The following STPG2 variants were observed in gnomAD, a reference collection of about 807,000 sequenced individuals.
STPG2 encodes sperm-tail PG-rich repeat-containing protein 2.
STPG2 carries 56 observed loss-of-function variants against 54.2 expected under a neutral mutation model. The observed-to-expected ratio is 1.03, with a 90% CI of 0.83 to 1.29. STPG2 has a LOEUF of 1.29. STPG2 is among the 50% of genes most tolerant of loss of function. The pLI is 0.00. For missense variants in STPG2, 596 were observed against 544.9 expected, an observed-to-expected ratio of 1.09 and a Z score of -0.93; for synonymous variants, 200 against 181.8, an observed-to-expected ratio of 1.10 and a Z score of -0.81.
chr4:97,740,135 C>A (rs1222895410), intron 9 of STPG2, among the ~76,000 whole-genome samples: 2 of 152,152 alleles, frequency 1.3e-5, no homozygotes, highest in African/African-American at 2.4e-5. Flanking sequence ...TCAATAGATG[C>A]AGAAAAGGCC....
chr4:97,479,577 GA>G (rs1184785282), intron 4 of STPG2, among the ~76,000 whole-genome samples: 1 of 151,834 alleles, frequency 6.6e-6, no homozygotes, highest in African/African-American at 2.4e-5. Context: ...AATTGCTGTA[GA>G]ATTGATTAGC....
At position 97,565,844 on chromosome 4, in the gene STPG2, C is replaced by CCG. The variant is rs571391313; in HGVS notation, c.1321-6728_1321-6727insCG. Among the ~76,000 whole-genome samples, 1,008 of 114,444 alleles carry CCG rather than the reference C, an allele frequency of 8.8e-3. 22 individuals carry two copies. Among genetic ancestry groups the CCG allele is most frequent in the Middle Eastern group, 0.07 (16 of 230 alleles). The allele number at this position is 114,444 out of a possible 152,430, so 75.1% of individuals were successfully genotyped here. A position where few individuals can be genotyped will look rare whatever the true frequency, so the allele number is the denominator to read the frequency against. On this transcript the variant is annotated intron_variant, in intron 10 of 10. Coordinates refer to ENST00000295268, the MANE Select transcript of STPG2 (RefSeq NM_174952.3). ...CGTGTGAGGTGTCATTCTGCCGCTA[C>CCG]TGGGGGGTGCCTCCCAGTTAGGCTG...
intron 8 of STPG2, among the ~76,000 whole-genome samples, chr4:97,920,358 A>T (rs1385977812): frequency 6.6e-6 from 1 of 152,154 alleles, no homozygotes; most frequent in African/African-American, 2.4e-5. Flanking sequence ...TCAAGGAAGG[A>T]ATGTTTCCAC....
At chr4:97,545,499 C>G (rs1459663186) in intron 4 of STPG2, among the ~76,000 whole-genome samples, 1 of 152,008 alleles carries the variant, frequency 6.6e-6, no homozygotes, top group African/African-American at 2.4e-5. Context: ...CCTCAACCCC[C>G]CTGGTGATGG....
At chr4:97,934,817 T>C (rs1732689924) in intron 8 of STPG2, among the ~76,000 whole-genome samples, 1 of 152,054 alleles carries the variant, frequency 6.6e-6, no homozygotes, top group Admixed American at 6.6e-5. Flanking sequence ...CTGAAGTTTT[T>C]TTGTTTTGTT....
chr4:97,761,948 A>G (rs1725901016), intron 9 of STPG2, among the ~76,000 whole-genome samples: 1 of 152,122 alleles, frequency 6.6e-6, no homozygotes, highest in South Asian at 2.1e-4. Flanking sequence ...TTAGGCAAAC[A>G]TGGGATTTAA....
chr4:97,854,951 G>A (rs1019644122), intron 8 of STPG2, among the ~76,000 whole-genome samples: 3 of 152,110 alleles, frequency 2.0e-5, no homozygotes, highest in African/African-American at 7.2e-5. Context: ...TCCACCATGT[G>A]TCCACGTGTT....
chr4:97,538,350 C>A (rs1169727139), intron 4 of STPG2, among the ~76,000 whole-genome samples: 2 of 152,102 alleles, frequency 1.3e-5, no homozygotes, highest in East Asian at 1.9e-4. Context: ...CCTTAAATAA[C>A]CTAATGGAGC....
chr4:97,908,469 G>T (rs1057331274), intron 8 of STPG2, among the ~76,000 whole-genome samples: 1 of 150,258 alleles, frequency 6.7e-6, no homozygotes, highest in Non-Finnish European at 1.5e-5. Context: ...ATTCCTCAGG[G>T]ATCTAGAACT....
chr4:97,836,519 T>C (rs1347723382), intron 9 of STPG2, among the ~76,000 whole-genome samples: 1 of 151,950 alleles, frequency 6.6e-6, no homozygotes, highest in African/African-American at 2.4e-5. Context: ...CTCGCTTTAT[T>C]GCAATCTTAG....
intron 4 of STPG2, among the ~76,000 whole-genome samples, chr4:97,518,472 C>A (rs928484399): frequency 6.6e-6 from 1 of 151,922 alleles, no homozygotes; most frequent in Non-Finnish European, 1.5e-5. Flanking sequence ...CCACTAAAAC[C>A]CTATGACTTA....
Position 97,460,078 on chromosome 4 carries a change from C to T in STPG2, c.462+252621G>A, listed in dbSNP as rs116645870. Among the ~76,000 whole-genome samples, 918 of 152,256 alleles carry T rather than the reference C, an allele frequency of 6.0e-3. 5 individuals are homozygous for T. The highest frequency in any genetic ancestry group is 0.02 in the South Asian group (97 of 4,820). ...TAGTAATTGAATTATAGTTTAACTA[C>T]AGAGAATTAGCTACAGTGGTTATAG... On this transcript the variant is annotated intron_variant, in intron 4 of 4. Transcript: ENST00000522676.
chr4:97,665,680 G>A (rs1257910293), intron 10 of STPG2, among the ~76,000 whole-genome samples: 1 of 152,126 alleles, frequency 6.6e-6, no homozygotes, highest in Non-Finnish European at 1.5e-5. Context: ...TCCAGCCAGG[G>A]CCTATCTGCC....
At chr4:97,599,087 T>C (rs528249010) in intron 10 of STPG2, among the ~76,000 whole-genome samples, 113 of 152,154 alleles carry the variant, frequency 7.4e-4, no homozygotes, top group African/African-American at 2.7e-3. Context: ...AGTAACCCCA[T>C]TGAAAGTGGG....
At chr4:97,918,575 G>GTA (rs759988331) in intron 8 of STPG2, among the ~76,000 whole-genome samples, 13 of 151,550 alleles carry the variant, frequency 8.6e-5, no homozygotes, top group African/African-American at 1.9e-4. Flanking sequence ...ATGTGTATGT[G>GTA]TATATGTATA....
chr4:97,547,873 G>A (rs115306722), intron 4 of STPG2, among the ~76,000 whole-genome samples: 2 of 152,108 alleles, frequency 1.3e-5, no homozygotes, highest in Admixed American at 6.5e-5. Context: ...AACATGAGCC[G>A]GGCATGGTCG....
At chr4:97,679,378 A>G (rs7441370) in intron 10 of STPG2, among the ~76,000 whole-genome samples, 89,229 of 151,614 alleles carry the variant, frequency 0.59, 26,579 homozygotes, top group South Asian at 0.68. Flanking sequence ...GATGGCCAGT[A>G]ATGGTGAGCA....
intron 9 of STPG2, among the ~76,000 whole-genome samples, chr4:97,814,862 G>A (rs112912401): frequency 0.018 from 2,801 of 152,132 alleles, 78 homozygotes; most frequent in African/African-American, 0.064. Context: ...ACTGACTTCC[G>A]TGCTCTTCAG....
At chr4:98,035,742 T>A (rs200023817) in intron 5 of STPG2, among the ~76,000 whole-genome samples, 859 of 137,338 alleles carry the variant, frequency 6.3e-3, no homozygotes, top group South Asian at 7.2e-3. Flanking sequence ...GTGGCACATA[T>A]ACACCATGGA....
Sources: gnomAD v4.1 joint callset for allele counts (sites outside exome capture counted in the v4.1 genomes callset) on GRCh38, gnomAD v4.1.1 for gene constraint, MANE v1.5 for transcripts, NCBI Gene and HGNC (gene_info 2026-07-23, HGNC 2026-07-21) for gene names.